Variants in PDE11A observed in about 807,000 individuals in gnomAD.
The protein encoded by PDE11A is phosphodiesterase 11A.
In PDE11A, 100 loss-of-function variants were observed where a neutral mutation model predicts 100.5. That is an observed-to-expected ratio of 1.00 (90% confidence interval 0.85 to 1.18). PDE11A has a LOEUF of 1.18. PDE11A is among the 50% of genes most tolerant of loss of function. PDE11A has a pLI of 0.00. For synonymous variants in PDE11A, 381 were observed against 420.8 expected, an observed-to-expected ratio of 0.91 and a Z score of 1.16; for missense variants, 1,141 against 1,152.6, an observed-to-expected ratio of 0.99 and a Z score of 0.15.
At position 178,057,330 on chromosome 2, in the gene PDE11A, G is replaced by A. The variant is rs1441065406; in HGVS notation, c.912+14196C>T. Among the ~76,000 whole-genome samples the A allele has an allele frequency of 2.0e-5, 3 of 152,198 alleles. No homozygotes were observed. In the East Asian group the frequency reaches 5.8e-4, roughly 29 times the overall value. ...ACACTTCCTGGAAGCAAGTAGAGAA[G>A]TACAGACTAGAAAAACATAAATATT... On this transcript the variant is annotated intron_variant, in intron 1 of 19. Transcript: ENST00000286063.
chr2:177,627,068 T>C lies in PDE11A; in HGVS notation c.*2339A>G, dbSNP rs188093837. ...TTTTTTTTTTGAGACGGAGTCTCGC[T>C]GGTCGCCCAGGCTGGAGGGCAGTGA... On this transcript the variant is annotated 3_prime_UTR_variant, in exon 20 of 20. Coordinates refer to ENST00000286063, the MANE Select transcript of PDE11A (RefSeq NM_016953.4). The C allele has an allele frequency of 8.9e-6, 1 of 112,124 alleles. No individual in the cohort carries two copies. The highest frequency in any genetic ancestry group is 2.9e-4 in the East Asian group (1 of 3,490). 6.9% of individuals were successfully genotyped at this position (112,124 alleles called of 1,614,324 possible). A position where few individuals can be genotyped will look rare whatever the true frequency, so the allele number is the denominator to read the frequency against.
Position 177,628,567 on chromosome 2 carries a change from T to C in PDE11A, c.*840A>G, listed in dbSNP as rs2079870048. ...CACTAGGAGAACTCAAGGTAGTCAA[T>C]GCTTAGTCTCCATGGCTCTGCTCTG... On this transcript the variant is annotated 3_prime_UTR_variant, in exon 20 of 20. Transcript: ENST00000286063. 1 of 152,286 alleles carries C rather than the reference T, an allele frequency of 6.6e-6. No individual in the cohort carries two copies. Among genetic ancestry groups the C allele is most frequent in the Non-Finnish European group, 1.5e-5 (1 of 68,048 alleles). 9.4% of individuals were successfully genotyped at this position (152,286 alleles called of 1,614,324 possible).
chr2:177,869,379 G>C (rs2105684489), intron 5 of PDE11A, among the ~76,000 whole-genome samples: 1 of 152,272 alleles, frequency 6.6e-6, no homozygotes, highest in African/African-American at 2.4e-5. Flanking sequence ...ACTCCTTGCA[G>C]TTGTATGACT....
rs564195884 is a variant in PDE11A, at chr2:177,727,252, A to G, written c.2043+406T>C. Reference sequence around the variant, plus strand: ...AAATAAGCATCCTCTCAGGATTTCCATATTCCTGCGGGTGATGTTCACACC... The same window carrying G: ...AAATAAGCATCCTCTCAGGATTTCCGTATTCCTGCGGGTGATGTTCACACC... On this transcript the variant is annotated intron_variant, in intron 12 of 19. Coordinates refer to ENST00000286063, the MANE Select transcript of PDE11A (RefSeq NM_016953.4). Among the ~76,000 whole-genome samples, 4 of 152,164 alleles carry G rather than the reference A, an allele frequency of 2.6e-5. No individual in the cohort carries two copies. In the East Asian group the frequency reaches 7.8e-4, roughly 30 times the overall value.
At chr2:177,654,018 T>C (rs2080345983) in intron 19 of PDE11A, among the ~76,000 whole-genome samples, 1 of 152,188 alleles carries the variant, frequency 6.6e-6, no homozygotes, top group Non-Finnish European at 1.5e-5. Flanking sequence ...TCCACTTATT[T>C]TCTGTTTCCT....
At position 177,629,147 on chromosome 2, in the gene PDE11A, GC is replaced by G; in HGVS notation, c.*259del. 2.0e-6 allele frequency: 1 copy of G among 511,762 alleles called. No individual in the cohort carries two copies. The highest frequency in any genetic ancestry group is 3.5e-6 in the Non-Finnish European group (1 of 282,072). 31.7% of individuals were successfully genotyped at this position (511,762 alleles called of 1,614,324 possible). ...GATCCAAAACAGTCCCCTACCCAGA[GC>G]CTTCATTTCAGCCCATGCGTGTTCA... On this transcript the variant is annotated 3_prime_UTR_variant, in exon 20 of 20. Transcript: ENST00000286063.
chr2:177,653,340 G>C (rs2080336617), intron 19 of PDE11A, among the ~76,000 whole-genome samples: 11 of 152,194 alleles, frequency 7.2e-5, no homozygotes, highest in Admixed American at 7.2e-4. Context: ...ACAGGCTGTT[G>C]ACCTGGCTGT....
rs894239002 is a variant in PDE11A at position 177,969,764 on chromosome 2, C to T, written c.1071+44538G>A. Among the ~76,000 whole-genome samples the T allele has an allele frequency of 5.9e-5, 9 of 152,040 alleles. No homozygotes were observed. In the East Asian group the frequency reaches 1.3e-3, roughly 23 times the overall value. On this transcript the variant is annotated intron_variant, in intron 2 of 19. Transcript: ENST00000286063. The stretch of plus-strand genomic sequence containing the variant: ...ATTGTATTACACTACTTTGTATCTC[C>T]TGGGGAATAAATGAGTATTAAAAAT...
intron 19 of PDE11A, among the ~76,000 whole-genome samples, chr2:177,639,082 A>AC (rs71340025): frequency 6.6e-6 from 1 of 151,324 alleles, no homozygotes; most frequent in Non-Finnish European, 1.5e-5. Context: ...CAGCAAGATC[A>AC]CTGGGCTCTG....
At chr2:178,028,474 A>G (rs756860297) in intron 1 of PDE11A, among the ~76,000 whole-genome samples, 1 of 152,164 alleles carries the variant, frequency 6.6e-6, no homozygotes, top group Non-Finnish European at 1.5e-5. Context: ...CCTTTTCCTT[A>G]AATAAAGCAC....
At chr2:177,685,702 G>T (rs188330290) in intron 15 of PDE11A, among the ~76,000 whole-genome samples, 1 of 152,102 alleles carries the variant, frequency 6.6e-6, no homozygotes, top group Non-Finnish European at 1.5e-5. Flanking sequence ...CAAGTAGCTG[G>T]GATTACAGGC....
chr2:177,990,266 G>A (rs1380892957), intron 2 of PDE11A, among the ~76,000 whole-genome samples: 2 of 152,100 alleles, frequency 1.3e-5, no homozygotes. Flanking sequence ...AAATTCACTT[G>A]TATATGGAAT....
At chr2:177,658,719 C>CT (rs60062998) in intron 19 of PDE11A, among the ~76,000 whole-genome samples, 98,062 of 141,434 alleles carry the variant, frequency 0.69, 35,673 homozygotes, top group East Asian at 0.88. Context: ...TGAGTGGTGT[C>CT]TTTTTTTTTT....
At chr2:177,747,364 C>T (rs2081963865) in intron 10 of PDE11A, among the ~76,000 whole-genome samples, 1 of 152,220 alleles carries the variant, frequency 6.6e-6, no homozygotes, top group South Asian at 2.1e-4. Flanking sequence ...TGGTGCTCTA[C>T]TTTGGACACA....
At chr2:177,854,157 T>G (rs998473758) in intron 5 of PDE11A, among the ~76,000 whole-genome samples, 2 of 151,952 alleles carry the variant, frequency 1.3e-5, no homozygotes, top group Non-Finnish European at 2.9e-5. Context: ...TAGGCTACTT[T>G]ATTATGCTTG....
intron 6 of PDE11A, among the ~76,000 whole-genome samples, chr2:177,821,097 T>A (rs2083132106): frequency 6.6e-6 from 1 of 151,944 alleles, no homozygotes; most frequent in African/African-American, 2.4e-5. Context: ...GATATGGAGA[T>A]AAAAAGATAT....
intron 5 of PDE11A, among the ~76,000 whole-genome samples, chr2:177,867,039 G>A (rs1269199128): frequency 6.6e-6 from 1 of 152,182 alleles, no homozygotes; most frequent in African/African-American, 2.4e-5. Flanking sequence ...TAGGTGCATA[G>A]TAAAGGTAAG....
intron 14 of PDE11A, among the ~76,000 whole-genome samples, chr2:177,698,050 C>A (rs1218376132): frequency 1.3e-5 from 2 of 152,102 alleles, no homozygotes; most frequent in Admixed American, 6.5e-5. Context: ...GCACAGGAGA[C>A]CCCCACAACA....
intron 19 of PDE11A, among the ~76,000 whole-genome samples, chr2:177,658,011 A>G (rs571154637): frequency 1.3e-5 from 2 of 152,190 alleles, no homozygotes; most frequent in South Asian, 4.1e-4. Context: ...CACAAGGACC[A>G]CAGACTTAAG....
Sources: gnomAD v4.1 joint callset for allele counts (sites outside exome capture counted in the v4.1 genomes callset) on GRCh38, gnomAD v4.1.1 for gene constraint, MANE v1.5 for transcripts, NCBI Gene and HGNC (gene_info 2026-07-23, HGNC 2026-07-21) for gene names.